Variants in TGFBR3 observed in about 807,000 individuals in gnomAD.
The protein encoded by TGFBR3 is transforming growth factor beta receptor 3.
In TGFBR3, 46 loss-of-function variants were observed where a neutral mutation model predicts 87.9. That is an observed-to-expected ratio of 0.52 (90% CI 0.41 to 0.67). The LOEUF (loss-of-function observed/expected upper bound fraction) is 0.67, where lower values mean the gene tolerates loss of function less well. TGFBR3 is among the 30% of genes least tolerant of loss of function. The probability of loss-of-function intolerance (pLI) is 0.00; values close to 1 mark genes in which losing one functional copy is unlikely to be tolerated. For missense variants in TGFBR3, 866 were observed against 1,041.9 expected, an observed-to-expected ratio of 0.83 and a Z score of 2.32; for synonymous variants, 381 against 391.6, an observed-to-expected ratio of 0.97 and a Z score of 0.32.
intron 4 of TGFBR3, among the ~76,000 whole-genome samples, chr1:91,745,805 C>G (rs1251601929): frequency 6.6e-6 from 1 of 152,156 alleles, no homozygotes; most frequent in Non-Finnish European, 1.5e-5. Flanking sequence ...GAAATAATAA[C>G]TTCCATGCCT....
At chr1:91,699,373 C>A (rs1336078972) in intron 14 of TGFBR3, among the ~76,000 whole-genome samples, 1 of 149,850 alleles carries the variant, frequency 6.7e-6, no homozygotes, top group African/African-American at 2.5e-5. Flanking sequence ...CATCCCTCCT[C>A]TGTTACACTT....
At chr1:91,757,021 A>G (rs1673770020) in intron 4 of TGFBR3, among the ~76,000 whole-genome samples, 1 of 152,146 alleles carries the variant, frequency 6.6e-6, no homozygotes, top group Non-Finnish European at 1.5e-5. Flanking sequence ...CTCAATTATA[A>G]TTTATTTATA....
At chr1:91,754,150 T>C (rs1474582146) in intron 4 of TGFBR3, among the ~76,000 whole-genome samples, 2 of 152,216 alleles carry the variant, frequency 1.3e-5, no homozygotes, top group East Asian at 3.8e-4. Context: ...TTTGTGTCTT[T>C]TCTCTAGAAA....
At chr1:91,836,737 C>T (rs1212985958) in intron 2 of TGFBR3, among the ~76,000 whole-genome samples, 6 of 152,084 alleles carry the variant, frequency 3.9e-5, no homozygotes, top group African/African-American at 1.4e-4. Flanking sequence ...GCTTCCAAAT[C>T]TTATTTCCAA....
At chr1:91,748,800 C>A (rs1021581938) in intron 4 of TGFBR3, among the ~76,000 whole-genome samples, 2 of 151,912 alleles carry the variant, frequency 1.3e-5, no homozygotes, top group Admixed American at 1.3e-4. Context: ...TGGGTTAGAG[C>A]CCCCGTTTAC....
At chr1:91,778,835 A>G (rs6604052) in intron 3 of TGFBR3, among the ~76,000 whole-genome samples, 46,003 of 152,106 alleles carry the variant, frequency 0.3, 7,274 homozygotes, top group Middle Eastern at 0.46. Flanking sequence ...TATAAGTTAC[A>G]TTTTAAAGTA....
At chr1:91,853,963 C>T (rs1677842018) in intron 2 of TGFBR3, among the ~76,000 whole-genome samples, 1 of 152,114 alleles carries the variant, frequency 6.6e-6, no homozygotes, top group Non-Finnish European at 1.5e-5. Context: ...GAGCTGAGAT[C>T]ATGCTACTGC....
At chr1:91,898,374 A>G (rs1005010238) in intron 2 of TGFBR3, among the ~76,000 whole-genome samples, 31 of 149,856 alleles carry the variant, frequency 2.1e-4, no homozygotes, top group Admixed American at 1.0e-3. Context: ...CAAATAAATA[A>G]AAACGTTACA....
intron 2 of TGFBR3, among the ~76,000 whole-genome samples, chr1:91,892,908 G>C (rs768977714): frequency 7.2e-5 from 11 of 152,182 alleles, no homozygotes; most frequent in Non-Finnish European, 1.6e-4. Context: ...AACCAAGGTA[G>C]CTTCAGGGAA....
chr1:91,714,913 T>C (rs1445870159), intron 12 of TGFBR3, among the ~76,000 whole-genome samples: 3 of 152,238 alleles, frequency 2.0e-5, no homozygotes, highest in African/African-American at 7.2e-5. Flanking sequence ...AGAATCCATA[T>C]GATCAAGGAA....
intron 3 of TGFBR3, among the ~76,000 whole-genome samples, chr1:91,772,631 T>C (rs374577720): frequency 6.6e-6 from 1 of 152,242 alleles, no homozygotes; most frequent in Non-Finnish European, 1.5e-5. Context: ...CATTATTTTA[T>C]GTAAAAGTCT....
chr1:91,892,850 C>G (rs1394000393), intron 2 of TGFBR3, among the ~76,000 whole-genome samples: 1 of 152,146 alleles, frequency 6.6e-6, no homozygotes, highest in Non-Finnish European at 1.5e-5. Context: ...TTTTGAGTTG[C>G]ATCTGTGTGG....
intron 14 of TGFBR3, among the ~76,000 whole-genome samples, chr1:91,699,709 T>G (rs17131526): frequency 1.0e-3 from 152 of 152,344 alleles, no homozygotes; most frequent in African/African-American, 3.6e-3. Context: ...GACTCTGATA[T>G]CGTGTGACTA....
intron 2 of TGFBR3, among the ~76,000 whole-genome samples, chr1:91,835,164 C>T (rs151010026): frequency 7.0e-4 from 107 of 152,320 alleles, no homozygotes; most frequent in African/African-American, 2.5e-3. Flanking sequence ...CAGGATAGCT[C>T]TAACCACAAA....
In TGFBR3 at chr1:91,861,626, C is replaced by T; in HGVS notation, c.-95G>A. The T allele has an allele frequency of 1.0e-6, 1 of 981,228 alleles. No homozygotes were observed. The highest frequency in any genetic ancestry group is 1.6e-6 in the Non-Finnish European group (1 of 609,908). 60.8% of individuals were successfully genotyped at this position (981,228 alleles called of 1,614,324 possible). On this transcript the variant is annotated 5_prime_UTR_variant, in exon 2 of 17. Transcript: ENST00000212355. ...ATCAGAAGTAGTCTTAAAGTCCCTC[C>T]TTGCAATTTTCAAACTGCCTGTAAA... is the stretch of plus-strand genomic sequence containing the variant.
chr1:91,877,068 T>G (rs1347735465), intron 1 of TGFBR3, among the ~76,000 whole-genome samples: 1 of 152,188 alleles, frequency 6.6e-6, no homozygotes, highest in Non-Finnish European at 1.5e-5. Flanking sequence ...CAAAATTTTT[T>G]TGCAAACCTC....
intron 16 of TGFBR3, among the ~76,000 whole-genome samples, chr1:91,691,902 G>A (rs1011217549): frequency 3.9e-5 from 6 of 152,208 alleles, no homozygotes; most frequent in African/African-American, 1.4e-4. Flanking sequence ...GATGACTGAG[G>A]AAGGAGAATG....
At chr1:91,761,731 C>G (rs192159998) in intron 3 of TGFBR3, among the ~76,000 whole-genome samples, 30 of 151,606 alleles carry the variant, frequency 2.0e-4, no homozygotes, top group Non-Finnish European at 3.7e-4. Flanking sequence ...GAATTCCTGG[C>G]TAAGTTGCTC....
At chr1:91,694,976 A>G (rs1571413688) in intron 16 of TGFBR3, among the ~76,000 whole-genome samples, 1 of 152,198 alleles carries the variant, frequency 6.6e-6, no homozygotes, top group African/African-American at 2.4e-5. Context: ...GCTGGCCTGC[A>G]TTCTGTATTG....
Sources: allele counts gnomAD v4.1 joint callset (sites outside exome capture counted in the v4.1 genomes callset), GRCh38; gene constraint gnomAD v4.1.1; transcripts MANE v1.5; gene names NCBI Gene and HGNC (gene_info 2026-07-23, HGNC 2026-07-21).